The following TIPIN variants were observed in gnomAD, a reference collection of about 807,000 sequenced individuals.
The protein encoded by TIPIN is TIMELESS-interacting protein.
A neutral mutation model predicts 35.6 loss-of-function variants in TIPIN; 29 were observed. The observed-to-expected ratio is 0.82, with a 90% CI of 0.61 to 1.11. TIPIN has a LOEUF of 1.11. TIPIN is among the 50% of genes most tolerant of loss of function. The pLI is 0.00. For synonymous variants in TIPIN, 102 were observed against 121.5 expected (o/e 0.84, Z 1.06); for missense variants, 296 against 345.4 (o/e 0.86, Z 1.13).
At chr15:66,350,808 G>A (rs1487339733) in intron 4 of TIPIN, among the ~76,000 whole-genome samples, 23 of 150,694 alleles carry the variant, frequency 1.5e-4, no homozygotes, top group Admixed American at 1.1e-3. Flanking sequence ...GTTGGCGGGC[G>A]CCTGTAGTCC....
At chr15:66,337,912 C>G (rs778107044) in intron 7 of TIPIN, among the ~76,000 whole-genome samples, 1 of 151,492 alleles carries the variant, frequency 6.6e-6, no homozygotes, top group Non-Finnish European at 1.5e-5. Context: ...GAATGTTATT[C>G]AACTCACACT....
At chr15:66,337,543 A>G (rs1264075800) in intron 7 of TIPIN, among the ~76,000 whole-genome samples, 1 of 151,956 alleles carries the variant, frequency 6.6e-6, no homozygotes, top group Non-Finnish European at 1.5e-5. Flanking sequence ...GCTGGTCTCG[A>G]ACTCCTGACC....
At chr15:66,361,554 C>G (rs1350183998), upstream of TIPIN, among the ~76,000 whole-genome samples, 2 of 94,860 alleles carry the variant, frequency 2.1e-5, no homozygotes, top group Non-Finnish European at 4.1e-5. Flanking sequence ...TGTGCCCCAC[C>G]TGTAATTTAA....
At chr15:66,378,338 T>C (rs1028377099) in intron 1 of TIPIN, among the ~76,000 whole-genome samples, 8 of 152,306 alleles carry the variant, frequency 5.3e-5, no homozygotes, top group African/African-American at 1.7e-4. Flanking sequence ...GGTTTCACCA[T>C]GTTGGCCAGG....
At chr15:66,348,054 C>G (rs1419560508) in intron 6 of TIPIN, among the ~76,000 whole-genome samples, 1 of 132,284 alleles carries the variant, frequency 7.6e-6, no homozygotes, top group East Asian at 2.2e-4. Context: ...CTATTTATTG[C>G]CCAGAGTATA....
rs1315165165 is a variant in TIPIN at position 66,355,821 on chromosome 15, C to T, written c.-9+818G>A. Among the ~76,000 whole-genome samples, 7 of 152,296 alleles carry T rather than the reference C, an allele frequency of 4.6e-5. No homozygotes were observed. In the East Asian group the frequency reaches 1.4e-3, roughly 29 times the overall value. ...TTCAAGCAAGCTACAAGAATCTATA[C>T]TAGGGTTCAGACCTTTGAGGCTGAC... is the stretch of plus-strand genomic sequence containing the variant. On this transcript the variant is annotated intron_variant, in intron 1 of 7. Transcript: ENST00000261881.
intron 4 of TIPIN, among the ~76,000 whole-genome samples, chr15:66,349,770 C>G (rs971105082): frequency 6.6e-6 from 1 of 151,956 alleles, no homozygotes; most frequent in Non-Finnish European, 1.5e-5. Flanking sequence ...GACCCAGCTA[C>G]TCAGGTGGCT....
chr15:66,362,129 C>G (rs1419846531), intron 1 of TIPIN, among the ~76,000 whole-genome samples: 3 of 151,880 alleles, frequency 2.0e-5, no homozygotes, highest in Admixed American at 1.3e-4. Flanking sequence ...CATGGTGAAA[C>G]CCTGTCTCTA....
chr15:66,355,719 C>G (rs1452477621), intron 1 of TIPIN, among the ~76,000 whole-genome samples: 1 of 152,140 alleles, frequency 6.6e-6, no homozygotes, highest in East Asian at 1.9e-4. Flanking sequence ...CCACTGCACT[C>G]CAGCCTGAGC....
At chr15:66,371,291 G>A (rs2093276834) in intron 1 of TIPIN, 1 of 983,966 alleles carries the variant, frequency 1.0e-6, no homozygotes, top group South Asian at 4.7e-5. Flanking sequence ...AACTAATAAG[G>A]TAGTATTTGT....
intron 6 of TIPIN, among the ~76,000 whole-genome samples, chr15:66,344,470 A>T (rs2093109869): frequency 6.6e-6 from 1 of 152,152 alleles, no homozygotes; most frequent in Admixed American, 6.6e-5. Flanking sequence ...TGAACCAAGA[A>T]AACAAAGGTA....
intron 6 of TIPIN, chr15:66,348,215 G>T (rs1031161139): frequency 6.6e-6 from 1 of 151,340 alleles, no homozygotes; most frequent in Non-Finnish European, 1.5e-5. Context: ...TCGGTTGCCC[G>T]GGCTGATCTC....
intron 6 of TIPIN, among the ~76,000 whole-genome samples, chr15:66,344,076 G>A (rs959264359): frequency 6.6e-6 from 1 of 152,094 alleles, no homozygotes; most frequent in Non-Finnish European, 1.5e-5. Flanking sequence ...AAATCAATAA[G>A]AAAATACATA....
Position 66,381,659 on chromosome 15 carries a change from C to T in TIPIN, c.-9+4948G>A, listed in dbSNP as rs559118144. On this transcript the variant is annotated intron_variant, in intron 1 of 7. Transcript: ENST00000562124. ...AAATAATACTATGTTGATCATTCTT[C>T]TGTATAGCTTTCATAATTTCTTTAC... 1.3e-4 allele frequency among the ~76,000 whole-genome samples: 20 copies of T among 152,244 alleles called. 1 individual carries two copies. The highest frequency in any genetic ancestry group is 6.8e-3 in the Middle Eastern group (2 of 294).
rs1208911007 is a variant in TIPIN at position 66,367,248 on chromosome 15, CTA to C, written c.-8-14295_-8-14294del. 5.9e-3 allele frequency among the ~76,000 whole-genome samples: 394 copies of C among 66,870 alleles called. 1 individual carries two copies. The highest frequency in any genetic ancestry group is 0.014 in the African/African-American group (367 of 25,552). The allele number at this position is 66,870 out of a possible 152,430, so 43.9% of individuals were successfully genotyped here. ...TATCTGTATCTATATCTATATCTAT[CTA>C]TATATCTATATCTATATCTATAGAT... On this transcript the variant is annotated intron_variant, in intron 1 of 7. Coordinates refer to the TIPIN transcript ENST00000562124.
In TIPIN at chr15:66,352,146, G is replaced by A. The variant is rs2093172301; in HGVS notation, c.195C>T (p.Pro65=). ...AAATGTACCTCTGAGCATCCAGCTT[G>A]GGTATATTTCTTTTAACTGTTCTCT... ...PPKRTVKRNI[P]KLDAQRLISE... is the part of the protein sequence containing the mutation. The change falls in exon 3 of 8, where the codon CCC becomes CCT. Residue 65 remains proline (P), a synonymous_variant. Transcript: ENST00000261881. 1.2e-6 allele frequency: 2 copies of A among 1,607,914 alleles called. No individual in the cohort carries two copies. The highest frequency in any genetic ancestry group is 1.7e-6 in the Non-Finnish European group (2 of 1,177,198).
intron 1 of TIPIN, among the ~76,000 whole-genome samples, chr15:66,383,875 T>A (rs2093326848): frequency 6.6e-6 from 1 of 152,224 alleles, no homozygotes; most frequent in African/African-American, 2.4e-5. Flanking sequence ...CAAGCCTTTA[T>A]GTGACGGTAT....
chr15:66,380,879 T>A (rs927858465), intron 1 of TIPIN, among the ~76,000 whole-genome samples: 1 of 152,172 alleles, frequency 6.6e-6, no homozygotes, highest in Admixed American at 6.5e-5. Context: ...TATTAATCCC[T>A]ACTGTTTGAA....
intron 1 of TIPIN, among the ~76,000 whole-genome samples, chr15:66,365,279 A>C (rs1296684319): frequency 6.6e-6 from 1 of 150,638 alleles, no homozygotes; most frequent in Non-Finnish European, 1.5e-5. Flanking sequence ...CTCATAATAC[A>C]TTATACATAA....
Sources: allele counts gnomAD v4.1 joint callset (sites outside exome capture counted in the v4.1 genomes callset), GRCh38; gene constraint gnomAD v4.1.1; transcripts MANE v1.5; gene names NCBI Gene and HGNC (gene_info 2026-07-23, HGNC 2026-07-21).